The following UGT1A1 variants were observed in gnomAD, a reference collection of about 807,000 sequenced individuals.
UGT1A1 encodes the protein UDP glucuronosyltransferase family 1 member A1.
A neutral mutation model predicts 40.6 loss-of-function variants in UGT1A1; 33 were observed. That is an observed-to-expected ratio of 0.81 (90% CI 0.62 to 1.09). The LOEUF is 1.09. Among genes scored for constraint, UGT1A1 ranks in the 50% least tolerant of loss-of-function variants. UGT1A1 has a pLI of 0.00. For synonymous variants in UGT1A1, 249 were observed against 265.0 expected, an observed-to-expected ratio of 0.94 and a Z score of 0.59; for missense variants, 694 against 671.2, an observed-to-expected ratio of 1.03 and a Z score of -0.38.
In UGT1A1 at chr2:233,760,663, G is replaced by A; in HGVS notation, c.376G>A (p.Gly126Ser). ...AAAGGACTCTGCTATGCTTTTGTCT[G>A]GCTGTTCCCACTTACTGCACAACAA... ...IKKDSAMLLSGCSHLLHNKEL... is the reference protein window; with the variant it reads ...IKKDSAMLLSSCSHLLHNKEL... The change falls in exon 1 of 5, where the codon GGC becomes AGC. Residue 126 changes from glycine (G) to serine (S), a missense_variant. Gly to Ser is a moderately conservative substitution (Grantham distance 56, BLOSUM62 0). Coordinates refer to ENST00000305208, the MANE Select transcript of UGT1A1 (RefSeq NM_000463.3). 6.2e-7 allele frequency: 1 copy of A among 1,614,204 alleles called. No individual in the cohort carries two copies. The highest frequency in any genetic ancestry group is 8.5e-7 in the Non-Finnish European group (1 of 1,180,038).
chr2:233,760,319 T>A lies in UGT1A1; in HGVS notation c.32T>A (p.Leu11His), dbSNP rs201984525. 1.2e-6 allele frequency: 2 copies of A among 1,614,040 alleles called. No individual in the cohort carries two copies. The highest frequency in any genetic ancestry group is 1.7e-6 in the Non-Finnish European group (2 of 1,179,986). ...GTGGAGTCCCAGGGCGGACGCCCAC[T>A]TGTCCTGGGCCTGCTGCTGTGTGTG... is the stretch of plus-strand genomic sequence containing the variant. MAVESQGGRPLVLGLLLCVLG... is the reference protein window; with the variant it reads MAVESQGGRPHVLGLLLCVLG... Residue 11 changes from leucine to histidine, a missense_variant, in exon 1 of 5, where the codon CTT becomes CAT. Leu to His is a moderately conservative substitution (Grantham distance 99, BLOSUM62 -3). Coordinates refer to ENST00000305208, the MANE Select transcript of UGT1A1 (RefSeq NM_000463.3).
At chr2:233,768,004 T>C in intron 3 of UGT1A1, 68 bp downstream of exon 3, 1 of 1,614,092 alleles carries the variant, frequency 6.2e-7, no homozygotes, top group South Asian at 1.1e-5. Context: ...TAAGCACAGC[T>C]ATTCTAAAGG....
Position 233,761,112 on chromosome 2 carries a change from T to C in UGT1A1, c.825T>C (p.Val275=), listed in dbSNP as rs762490577. The change falls in exon 1 of 5, where the codon GTT becomes GTC. Residue 275 remains valine, a synonymous_variant. Coordinates refer to ENST00000305208, the MANE Select transcript of UGT1A1 (RefSeq NM_000463.3). ...PRPIMPNMVF[V]GGINCLHQNP... ...CCATCATGCCCAATATGGTTTTTGT[T>C]GGTGGAATCAACTGCCTTCACCAAA... The C allele has an allele frequency of 1.2e-6, 2 of 1,614,122 alleles. No individual in the cohort carries two copies. The highest frequency in any genetic ancestry group is 1.7e-6 in the Non-Finnish European group (2 of 1,180,046).
chr2:233,763,021 T>C (rs1698218577), intron 1 of UGT1A1, among the ~76,000 whole-genome samples: 1 of 152,256 alleles, frequency 6.6e-6, no homozygotes, highest in Non-Finnish European at 1.5e-5. Context: ...TTGCATTATG[T>C]TAGCCATTGT....
chr2:233,762,966 C>T (rs947524337), intron 1 of UGT1A1, among the ~76,000 whole-genome samples: 7 of 152,068 alleles, frequency 4.6e-5, no homozygotes, highest in African/African-American at 1.2e-4. Context: ...GAAAGATGCC[C>T]GTCTTGCTGC....
Position 233,760,874 on chromosome 2 carries a change from C to T in UGT1A1, c.587C>T (p.Pro196Leu). Residue 196 changes from proline to leucine, a missense_variant, in exon 1 of 5, where the codon CCT becomes CTT. By Grantham distance (98) the Pro-to-Leu change is moderately conservative. Coordinates refer to ENST00000305208, the MANE Select transcript of UGT1A1 (RefSeq NM_000463.3). ...AACCCATTCTCCTACGTGCCCAGGC[C>T]TCTCTCCTCTCATTCAGATCACATG... Reference protein sequence around the residue: ...CPNPFSYVPRPLSSHSDHMTF... With the variant: ...CPNPFSYVPRLLSSHSDHMTF... 6.2e-7 allele frequency: 1 copy of T among 1,614,100 alleles called. No homozygotes were observed. Among genetic ancestry groups the T allele is most frequent in the Non-Finnish European group, 8.5e-7 (1 of 1,180,012 alleles).
At chr2:233,761,290 C>T in intron 1 of UGT1A1, 139 bp downstream of exon 1, 1 of 1,537,354 alleles carries the variant, frequency 6.5e-7, no homozygotes, top group Non-Finnish European at 8.8e-7. Context: ...TTTTTGACTC[C>T]TAGGTTTGAG....
chr2:233,769,618 G>A lies in UGT1A1; in HGVS notation c.1304+1179G>A. ...GGAACACGGGGACACACCAGCTTGA[G>A]CAAGGGACAACAGGGGAGGACTGAT... On this transcript the variant is annotated intron_variant, in intron 4 of 4. Coordinates refer to ENST00000305208, the MANE Select transcript of UGT1A1 (RefSeq NM_000463.3). This position sits in a 1 kb window ranked among gnomAD's most constrained non-coding sequence, Gnocchi z 4.4. The A allele has an allele frequency of 1.9e-6, 3 of 1,612,672 alleles. No individual in the cohort carries two copies. Among genetic ancestry groups the A allele is most frequent in the Non-Finnish European group, 2.5e-6 (3 of 1,179,802 alleles).
chr2:233,760,455 A>T lies in UGT1A1; in HGVS notation c.168A>T (p.Glu56Asp), dbSNP rs2125984333. The T allele has an allele frequency of 6.2e-7, 1 of 1,614,200 alleles. No individual in the cohort carries two copies. Among genetic ancestry groups the T allele is most frequent in the Non-Finnish European group, 8.5e-7 (1 of 1,180,036 alleles). ...AGCAGCTGCAGCAGAGGGGACATGA[A>T]ATAGTTGTCCTAGCACCTGACGCCT... The part of the protein sequence containing the change: ...AIQQLQQRGH[E>D]IVVLAPDASL... The change falls in exon 1 of 5, where the codon GAA becomes GAT. Residue 56 changes from glutamate to aspartate, a missense_variant. Glu to Asp is a conservative substitution (Grantham distance 45). Transcript: ENST00000305208.
rs921224887 is a variant in UGT1A1, at chr2:233,769,400, T to A, written c.1304+961T>A. ...TCCGACAATAGATACTGTGTGCATA[T>A]GTGCGTGTGCGTTTGTGCATGTGGC... On this transcript the variant is annotated intron_variant, in intron 4 of 4. Coordinates refer to ENST00000305208, the MANE Select transcript of UGT1A1 (RefSeq NM_000463.3). The surrounding 1 kb of genome is among the most constrained non-coding windows in gnomAD (Gnocchi z 4.4). 3.4e-6 allele frequency: 4 copies of A among 1,182,114 alleles called. No homozygotes were observed. Among genetic ancestry groups the A allele is most frequent in the Non-Finnish European group, 4.9e-6 (4 of 819,978 alleles). The allele number at this position is 1,182,114 out of a possible 1,614,324, so 73.2% of individuals were successfully genotyped here. A position where few individuals can be genotyped will look rare whatever the true frequency, so the allele number is the denominator to read the frequency against.
Position 233,768,582 on chromosome 2 carries a change from C to T in UGT1A1, c.1304+143C>T, listed in dbSNP as rs1179813397. On this transcript the variant is annotated intron_variant, in intron 4 of 4. Transcript: ENST00000305208. ...ATAAAAATCTGGATTTTTATTTCTT[C>T]TTTTTTTTTTTTTTTTTTTTTTGAG... 4.6e-4 allele frequency: 475 copies of T among 1,032,668 alleles called. No homozygotes were observed. In the East Asian group the frequency reaches 5.3e-3, roughly 12 times the overall value. The allele number at this position is 1,032,668 out of a possible 1,614,324, so 64.0% of individuals were successfully genotyped here.
rs1199920513 is a variant in UGT1A1, at chr2:233,767,073, A to G, written c.904A>G (p.Ile302Val). The change falls in exon 2 of 5, where the codon ATT becomes GTT. Residue 302 changes from isoleucine (I) to valine (V), a missense_variant. Coordinates refer to ENST00000305208, the MANE Select transcript of UGT1A1 (RefSeq NM_000463.3). ...CATTAATGCTTCTGGAGAACATGGA[A>G]TTGTGGTTTTCTCTTTGGGATCAAT... is the stretch of plus-strand genomic sequence containing the variant. Reference protein sequence around the residue: ...AYINASGEHGIVVFSLGSMVS... With the variant: ...AYINASGEHGVVVFSLGSMVS... 3.1e-6 allele frequency: 5 copies of G among 1,614,112 alleles called. No homozygotes were observed. Among genetic ancestry groups the G allele is most frequent in the Non-Finnish European group, 3.4e-6 (4 of 1,179,992 alleles).
Position 233,768,420 on chromosome 2 carries a change from G to A in UGT1A1, c.1285G>A (p.Ala429Thr). 6.2e-7 allele frequency: 1 copy of A among 1,614,048 alleles called. No homozygotes were observed. Among genetic ancestry groups the A allele is most frequent in the South Asian group, 1.1e-5 (1 of 91,078 alleles). Residue 429 changes from alanine (A) to threonine (T), a missense_variant, in exon 4 of 5, where the codon GCA becomes ACA. By Grantham distance (58) the Ala-to-Thr change is moderately conservative (BLOSUM62 0). Transcript: ENST00000305208. Reference protein sequence around the residue: ...TSEDLENALKAVINDKSYKEN... With the variant: ...TSEDLENALKTVINDKSYKEN... ...TGAAGATTTAGAAAATGCTCTAAAAGCAGTCATCAATGACAAAAGGTAAGA... is the reference window on the plus strand; with the variant it reads ...TGAAGATTTAGAAAATGCTCTAAAAACAGTCATCAATGACAAAAGGTAAGA...
At chr2:233,761,629 C>A (rs1415462603) in intron 1 of UGT1A1, among the ~76,000 whole-genome samples, 1 of 152,252 alleles carries the variant, frequency 6.6e-6, no homozygotes, top group Admixed American at 6.5e-5. Flanking sequence ...GAAGCTAAAT[C>A]CTGCAGTCCG....
chr2:233,761,148 C>G lies in UGT1A1; in HGVS notation c.861C>G (p.Ser287=). Residue 287 remains serine, a synonymous_variant, in exon 1 of 5, where the codon TCC becomes TCG. Coordinates refer to ENST00000305208, the MANE Select transcript of UGT1A1 (RefSeq NM_000463.3). The part of the protein sequence containing the change: ...GINCLHQNPL[S]QEFEAYINAS... ...ACTGCCTTCACCAAAATCCACTATC[C>G]CAGGTGTGTATTGGAGTGGGACTTT... 6.2e-7 allele frequency: 1 copy of G among 1,614,128 alleles called. No individual in the cohort carries two copies. Among genetic ancestry groups the G allele is most frequent in the South Asian group, 1.1e-5 (1 of 91,074 alleles).
chr2:233,772,833 T>TTTAC lies in UGT1A1; in HGVS notation c.*274_*275insTTAC. 1.1e-6 allele frequency: 1 copy of TTTAC among 879,514 alleles called. No homozygotes were observed. Among genetic ancestry groups the TTTAC allele is most frequent in the Non-Finnish European group, 1.6e-6 (1 of 630,664 alleles). The allele number at this position is 879,514 out of a possible 1,614,324, so 54.5% of individuals were successfully genotyped here. A position where few individuals can be genotyped will look rare whatever the true frequency, so the allele number is the denominator to read the frequency against. ...AGGACGTGCAGACAGGCTGGCATTC[T>TTTAC]AGATTACTTTTCTTACTCTGAAACA... On this transcript the variant is annotated 3_prime_UTR_variant, in exon 5 of 5. Transcript: ENST00000305208.
Position 233,772,326 on chromosome 2 carries a change from C to T in UGT1A1, c.1369C>T (p.Leu457=), listed in dbSNP as rs767264478. The stretch of plus-strand genomic sequence containing the variant: ...GGACCGCCCGGTGGAGCCGCTGGAC[C>T]TGGCCGTGTTCTGGGTGGAGTTTGT... ...HKDRPVEPLD[L]AVFWVEFVMR... The change falls in exon 5 of 5, where the codon CTG becomes TTG. Residue 457 remains leucine, a synonymous_variant. Coordinates refer to ENST00000305208, the MANE Select transcript of UGT1A1 (RefSeq NM_000463.3). 1 of 1,614,166 alleles carries T rather than the reference C, an allele frequency of 6.2e-7. No homozygotes were observed. The highest frequency in any genetic ancestry group is 2.2e-5 in the East Asian group (1 of 44,878).
chr2:233,772,522 G>A lies in UGT1A1; in HGVS notation c.1565G>A (p.Gly522Glu). The A allele has an allele frequency of 6.2e-7, 1 of 1,614,168 alleles. No homozygotes were observed. Among genetic ancestry groups the A allele is most frequent in the Non-Finnish European group, 8.5e-7 (1 of 1,180,032 alleles). ...YGYRKCLGKK[G>E]RVKKAHKSKT... ...TACCGGAAATGCTTGGGGAAAAAAG[G>A]GCGAGTTAAGAAAGCCCACAAATCC... The change falls in exon 5 of 5, where the codon GGG becomes GAG. Residue 522 changes from glycine to glutamate, a missense_variant. Gly to Glu is a moderately conservative substitution (Grantham distance 98). Coordinates refer to ENST00000305208, the MANE Select transcript of UGT1A1 (RefSeq NM_000463.3).
Position 233,769,525 on chromosome 2 carries a change from C to T in UGT1A1, c.1304+1086C>T. On this transcript the variant is annotated intron_variant, in intron 4 of 4. Transcript: ENST00000305208. The surrounding 1 kb of genome is among the most constrained non-coding windows in gnomAD (Gnocchi z 4.4). ...CATTGCTTTCTCCCATGGTTACCTC[C>T]TTTAGAAAGAAGCAGCAGTCAGGAA... 1 of 1,612,854 alleles carries T rather than the reference C, an allele frequency of 6.2e-7. No individual in the cohort carries two copies. Among genetic ancestry groups the T allele is most frequent in the Non-Finnish European group, 8.5e-7 (1 of 1,179,858 alleles).
Sources: gnomAD v4.1 joint callset for allele counts (sites outside exome capture counted in the v4.1 genomes callset) on GRCh38, gnomAD v4.1.1 for gene constraint, Gnocchi (gnomAD v3.1) non-coding constraint, MANE v1.5 for transcripts, NCBI Gene and HGNC (gene_info 2026-07-23, HGNC 2026-07-21) for gene names.